Variants in SORCS2 observed in about 807,000 individuals in gnomAD.
SORCS2 encodes VPS10 domain-containing receptor SorCS2.
A neutral mutation model predicts 141.6 loss-of-function variants in SORCS2; 100 were observed. The observed-to-expected ratio is 0.71, with a 90% CI of 0.60 to 0.83. SORCS2 has a LOEUF of 0.83. Ranked by LOEUF, SORCS2 falls within the 40% of genes least tolerant of loss-of-function variation. The pLI is 0.00. For synonymous variants in SORCS2, 789 were observed against 676.9 expected, an observed-to-expected ratio of 1.17 and a Z score of -2.57; for missense variants, 1,646 against 1,560.2, an observed-to-expected ratio of 1.05 and a Z score of -0.93.
chr4:7,614,737 A>G (rs1718645892), intron 3 of SORCS2, among the ~76,000 whole-genome samples: 1 of 149,524 alleles, frequency 6.7e-6, no homozygotes, highest in Admixed American at 6.6e-5. Context: ...CCATCTATCC[A>G]TCCACCTATT....
chr4:7,452,354 C>T (rs890489008), intron 2 of SORCS2, among the ~76,000 whole-genome samples: 5 of 152,164 alleles, frequency 3.3e-5, no homozygotes, highest in East Asian at 1.9e-4. Flanking sequence ...ATTGGCCAGG[C>T]TGGTCTCTAA....
chr4:7,367,347 TCA>T (rs1560222787), intron 1 of SORCS2, among the ~76,000 whole-genome samples: 1 of 152,208 alleles, frequency 6.6e-6, no homozygotes, highest in Non-Finnish European at 1.5e-5. Context: ...ATTTGGACCC[TCA>T]CAGCCTGGGC....
intron 1 of SORCS2, among the ~76,000 whole-genome samples, chr4:7,214,812 T>A (rs929644737): frequency 6.6e-6 from 1 of 152,252 alleles, no homozygotes; most frequent in Admixed American, 6.5e-5. Context: ...GCTGCTTTTC[T>A]GGTGGACACG....
At chr4:7,206,680 C>A (rs1057051612) in intron 1 of SORCS2, among the ~76,000 whole-genome samples, 4 of 152,174 alleles carry the variant, frequency 2.6e-5, no homozygotes, top group Non-Finnish European at 5.9e-5. Flanking sequence ...GGCTGTGCAG[C>A]CAGGTCCTGG....
At chr4:7,646,486 A>G (rs1399483631) in intron 4 of SORCS2, among the ~76,000 whole-genome samples, 1 of 152,222 alleles carries the variant, frequency 6.6e-6, no homozygotes, top group Non-Finnish European at 1.5e-5. Flanking sequence ...AGAGGAGATC[A>G]GGACACAGAC....
At position 7,286,212 on chromosome 4, in the gene SORCS2, T is replaced by C. The variant is rs1400311085; in HGVS notation, c.480+93086T>C. Among the ~76,000 whole-genome samples, 1 of 152,194 alleles carries C rather than the reference T, an allele frequency of 6.6e-6. No individual in the cohort carries two copies. The highest frequency in any genetic ancestry group is 1.5e-5 in the Non-Finnish European group (1 of 68,024). On this transcript the variant is annotated intron_variant, in intron 1 of 26. Coordinates refer to ENST00000507866, the MANE Select transcript of SORCS2 (RefSeq NM_020777.3). The surrounding 1 kb of genome is among the most constrained non-coding windows in gnomAD (Gnocchi z 4.1). ...GGTCCTCACTGCACGACTCGGACCCTGAGTCTCCTCGCGTGGGAAGTGGGC... is the reference window on the plus strand; with the variant it reads ...GGTCCTCACTGCACGACTCGGACCCCGAGTCTCCTCGCGTGGGAAGTGGGC...
At chr4:7,577,632 G>A (rs535357871) in intron 3 of SORCS2, among the ~76,000 whole-genome samples, 3 of 150,092 alleles carry the variant, frequency 2.0e-5, no homozygotes, top group East Asian at 4.0e-4. Flanking sequence ...GCATACAGGC[G>A]AAGTCAGCTA....
chr4:7,221,343 G>A (rs1285764253), intron 1 of SORCS2, among the ~76,000 whole-genome samples: 4 of 152,228 alleles, frequency 2.6e-5, no homozygotes, highest in African/African-American at 9.7e-5. Flanking sequence ...TGGACCCAGT[G>A]TCTGTAGTTT....
At chr4:7,363,978 C>T (rs1721733986) in intron 1 of SORCS2, among the ~76,000 whole-genome samples, 1 of 31,796 alleles carries the variant, frequency 3.1e-5, no homozygotes, top group Non-Finnish European at 5.7e-5. Flanking sequence ...TCACCGTCAC[C>T]ATAACCATGC....
At chr4:7,329,828 C>G (rs953053858) in intron 1 of SORCS2, among the ~76,000 whole-genome samples, 2 of 152,176 alleles carry the variant, frequency 1.3e-5, no homozygotes, top group African/African-American at 4.8e-5. Context: ...CAGGCTCAGC[C>G]ACGGTGTTTG....
chr4:7,548,679 G>A (rs1476050150), intron 3 of SORCS2, among the ~76,000 whole-genome samples: 1 of 151,982 alleles, frequency 6.6e-6, no homozygotes, highest in Non-Finnish European at 1.5e-5. Flanking sequence ...TGGGTGTGAG[G>A]CAAGGGCCAT....
intron 4 of SORCS2, among the ~76,000 whole-genome samples, chr4:7,642,728 T>TGGGTGCCCAGAGGCTCTGC (rs1720826974): frequency 6.6e-6 from 1 of 152,162 alleles, no homozygotes; most frequent in Non-Finnish European, 1.5e-5. Flanking sequence ...TGGGGCTCTG[T>TGGGTGCCCAGAGGCTCTGC]GGGTGCCCAG....
intron 2 of SORCS2, among the ~76,000 whole-genome samples, chr4:7,520,670 G>A (rs1733273264): frequency 2.6e-5 from 4 of 152,202 alleles, no homozygotes. Flanking sequence ...GGTGGCCCTA[G>A]GGGTGCTGCC....
At chr4:7,338,341 G>A (rs73208495) in intron 1 of SORCS2, among the ~76,000 whole-genome samples, 20,976 of 150,398 alleles carry the variant, frequency 0.14, 1,940 homozygotes, top group Non-Finnish European at 0.21. Flanking sequence ...ATGGCTGGCT[G>A]GATGGATGTC....
At chr4:7,306,078 A>G (rs914568598) in intron 1 of SORCS2, among the ~76,000 whole-genome samples, 5 of 152,032 alleles carry the variant, frequency 3.3e-5, no homozygotes, top group African/African-American at 4.8e-5. Context: ...AGCTGGGGAG[A>G]GGCTAGTGGC....
chr4:7,328,548 G>C (rs1246590136), intron 1 of SORCS2, among the ~76,000 whole-genome samples: 2 of 152,150 alleles, frequency 1.3e-5, no homozygotes, highest in Non-Finnish European at 2.9e-5. Flanking sequence ...CAAGCCCCAG[G>C]TAGCCAGAGT....
At position 7,192,967 on chromosome 4, in the gene SORCS2, C is replaced by T. The variant is rs1197223239; in HGVS notation, c.321C>T (p.Asp107=). The T allele has an allele frequency of 1.7e-5, 23 of 1,373,962 alleles. No individual in the cohort carries two copies. Among genetic ancestry groups the T allele is most frequent in the Non-Finnish European group, 2.1e-5 (23 of 1,073,094 alleles). The allele number at this position is 1,373,962 out of a possible 1,614,324, so 85.1% of individuals were successfully genotyped here. The change falls in exon 1 of 27, where the codon GAC becomes GAT. Residue 107 remains aspartate (D), a synonymous_variant. Transcript: ENST00000507866. This position sits in a 1 kb window ranked among gnomAD's most constrained non-coding sequence, Gnocchi z 4.0. ...SPGPAPGPGE[D]GAPAAGYRRW... ...GTCCCGCTCCTGGTCCCGGCGAGGA[C>T]GGCGCCCCCGCCGCGGGCTACCGGC...
intron 4 of SORCS2, among the ~76,000 whole-genome samples, chr4:7,642,913 A>G (rs905081316): frequency 1.6e-4 from 24 of 152,224 alleles, no homozygotes; most frequent in Admixed American, 8.5e-4. Flanking sequence ...TGACCTGGAA[A>G]ACATCACATC....
chr4:7,723,623 G>GTGAGTGAA, intron 18 of SORCS2, 74 bp from the exon 19 acceptor site: 1 of 1,501,098 alleles, frequency 6.7e-7, no homozygotes, highest in South Asian at 1.1e-5. Flanking sequence ...GAGTGAGTGA[G>GTGAGTGAA]TGAGTGAATG....
Sources: gnomAD v4.1 joint callset for allele counts (sites outside exome capture counted in the v4.1 genomes callset) on GRCh38, gnomAD v4.1.1 for gene constraint, Gnocchi (gnomAD v3.1) non-coding constraint, MANE v1.5 for transcripts, NCBI Gene and HGNC (gene_info 2026-07-23, HGNC 2026-07-21) for gene names.